The following GATM variants were observed in gnomAD, a reference collection of about 807,000 sequenced individuals.
GATM encodes the protein glycine amidinotransferase, mitochondrial.
In GATM, 23 loss-of-function variants were observed where a neutral mutation model predicts 54.2. The ratio of observed to expected loss-of-function variants is 0.42; its 90% CI spans 0.31 to 0.60. The LOEUF is 0.60. GATM is among the 20% of genes least tolerant of loss of function. GATM has a pLI of 0.14. For missense variants in GATM, 401 were observed against 544.9 expected (o/e 0.74, Z 2.63); for synonymous variants, 168 against 183.1 (o/e 0.92, Z 0.67).
At position 45,364,878 on chromosome 15, in the gene GATM, AC is replaced by A. The variant is rs750012910; in HGVS notation, c.979-19del. On this transcript the variant is annotated intron_variant, in intron 6 of 8. Transcript: ENST00000396659. Reference sequence around the variant, plus strand: ...AGATCAATCTGTAAGACCAAAAAAAACCCCCAAAACCGTTAAATCTACATAT... The same window carrying A: ...AGATCAATCTGTAAGACCAAAAAAAACCCCAAAACCGTTAAATCTACATAT... The A allele has an allele frequency of 2.5e-6, 4 of 1,607,400 alleles. No homozygotes were observed. The highest frequency in any genetic ancestry group is 1.1e-5 in the South Asian group (1 of 90,896).
intron 1 of GATM, 49 bp downstream of exon 1, chr15:45,378,310 CGAGCGAGTGCTCCACGCCGCCCGCAG>C (rs1889677012): frequency 8.4e-7 from 1 of 1,189,438 alleles, no homozygotes; most frequent in Non-Finnish European, 1.2e-6. Flanking sequence ...GGGCAGGGAG[CGAGCGAGTGCTCCACGCCGCCCGCAG>C]GATCGAGTGA....
intron 2 of GATM, among the ~76,000 whole-genome samples, chr15:45,398,761 G>C (rs745689184): frequency 5.3e-5 from 8 of 152,016 alleles, no homozygotes; most frequent in Non-Finnish European, 1.0e-4. Context: ...AAATATATTA[G>C]GGTTGAACAT....
rs754791975 is a variant in GATM at position 45,366,497 on chromosome 15, G to T, written c.687C>A (p.Ile229=). 6.2e-7 allele frequency: 1 copy of T among 1,614,066 alleles called. No individual in the cohort carries two copies. Among genetic ancestry groups the T allele is most frequent in the Non-Finnish European group, 8.5e-7 (1 of 1,180,008 alleles). The change falls in exon 5 of 9, where the codon ATC becomes ATA. Residue 229 remains isoleucine, a synonymous_variant. Coordinates refer to ENST00000396659, the MANE Select transcript of GATM (RefSeq NM_001482.3). ...ADELYNQDYP[I]HSVEDRHKLA... The stretch of plus-strand genomic sequence containing the variant: ...ATTTGTGTCTGTCTTCTACAGAGTG[G>T]ATGGGATAATCCTAATTGGAACAAG...
chr15:45,366,795 C>T (rs1889456957), intron 4 of GATM, among the ~76,000 whole-genome samples: 1 of 152,154 alleles, frequency 6.6e-6, no homozygotes, highest in African/African-American at 2.4e-5. Flanking sequence ...CGTCCCAAAA[C>T]ATTAAGATAT....
intron 8 of GATM, among the ~76,000 whole-genome samples, chr15:45,362,669 T>G (rs1415387244): frequency 6.6e-6 from 1 of 152,202 alleles, no homozygotes; most frequent in African/African-American, 2.4e-5. Flanking sequence ...CAGATTAACT[T>G]CACCAGGCCA....
chr15:45,399,495 C>T (rs1889973223), intron 2 of GATM: 2 of 152,398 alleles, frequency 1.3e-5, no homozygotes. Context: ...TAGCTAGTCC[C>T]TTCCACCATG....
At chr15:45,366,005 T>C (rs755403521) in intron 6 of GATM, 41 bp downstream of exon 6, 14 of 1,599,952 alleles carry the variant, frequency 8.8e-6, no homozygotes, top group African/African-American at 1.3e-5. Context: ...TTTTAGTTAC[T>C]AGATTCTGTT....
At chr15:45,392,299 T>A (rs921576581) in intron 3 of GATM, among the ~76,000 whole-genome samples, 2 of 152,180 alleles carry the variant, frequency 1.3e-5, no homozygotes, top group Non-Finnish European at 2.9e-5. Context: ...CCGTATCTGG[T>A]TCCTACAGTG....
At chr15:45,373,679 A>G (rs1165785865) in intron 2 of GATM, among the ~76,000 whole-genome samples, 1 of 152,086 alleles carries the variant, frequency 6.6e-6, no homozygotes, top group Non-Finnish European at 1.5e-5. Flanking sequence ...CTGATTGCCT[A>G]TGGACAGTTT....
chr15:45,384,786 G>A (rs1889786964), intron 3 of GATM, among the ~76,000 whole-genome samples: 1 of 151,848 alleles, frequency 6.6e-6, no homozygotes, highest in East Asian at 1.9e-4. Context: ...ATAGCTCACT[G>A]CAGCCTTGAC....
intron 2 of GATM, among the ~76,000 whole-genome samples, chr15:45,370,146 C>T (rs1017700831): frequency 3.9e-5 from 6 of 152,156 alleles, no homozygotes; most frequent in Admixed American, 2.6e-4. Flanking sequence ...GAGGCTGAGG[C>T]GGGCAGATAG....
intron 7 of GATM, chr15:45,364,445 G>C (rs1889414317): frequency 3.3e-6 from 1 of 306,224 alleles, no homozygotes; most frequent in South Asian, 3.8e-5. Flanking sequence ...GGAGTGGAAA[G>C]ATCACTTGAG....
intron 3 of GATM, among the ~76,000 whole-genome samples, chr15:45,386,775 G>A (rs949364365): frequency 2.0e-5 from 3 of 152,126 alleles, no homozygotes; most frequent in Non-Finnish European, 4.4e-5. Flanking sequence ...CATCCCTCTC[G>A]AATATTCTTA....
intron 3 of GATM, among the ~76,000 whole-genome samples, chr15:45,396,504 G>A (rs939361479): frequency 6.6e-6 from 1 of 152,250 alleles, no homozygotes; most frequent in East Asian, 1.9e-4. Flanking sequence ...GGTAGAAATA[G>A]AAAAGAGTAG....
At position 45,399,891 on chromosome 15, in the gene GATM, C is replaced by T. The variant is rs186500231; in HGVS notation, c.-529-296G>A. ...AAATTTCTGGTCAGATTAAAAACAA[C>T]TAAGCAAAAGAGCCACACAACTCCC... On this transcript the variant is annotated intron_variant, in intron 1 of 4. Coordinates refer to the GATM transcript ENST00000561148. Among the ~76,000 whole-genome samples the T allele has an allele frequency of 8.2e-4, 122 of 148,566 alleles. 2 individuals carry two copies. The highest frequency in any genetic ancestry group is 6.8e-3 in the South Asian group (33 of 4,830).
Position 45,376,584 on chromosome 15 carries a change from G to A in GATM, c.288+17C>T, listed in dbSNP as rs187702969. On this transcript the variant is annotated intron_variant, in intron 2 of 8. Coordinates refer to ENST00000396659, the MANE Select transcript of GATM (RefSeq NM_001482.3). ...GGAGGGAGCGCACTTTCAGACATGT[G>A]AATAGCCTTCCTTTACCTTCACCTC... is the stretch of plus-strand genomic sequence containing the variant. 5 of 1,611,724 alleles carry A rather than the reference G, an allele frequency of 3.1e-6. No homozygotes were observed. In the African/African-American group the frequency reaches 5.3e-5, roughly 17 times the overall value.
At chr15:45,388,142 A>G (rs1339186522) in intron 3 of GATM, among the ~76,000 whole-genome samples, 1 of 152,182 alleles carries the variant, frequency 6.6e-6, no homozygotes, top group African/African-American at 2.4e-5. Flanking sequence ...GTGAGGTACT[A>G]TACCAGACTG....
rs567317844 is a variant in GATM at position 45,391,845 on chromosome 15, G to GA, written c.-319+5076dup. On this transcript the variant is annotated intron_variant, in intron 3 of 4. Coordinates refer to the GATM transcript ENST00000561148. Reference sequence around the variant, plus strand: ...AAAATTTTCAAGTTCTTCTGCTAAAGAAAAAAAAACACAAAAAATAAAAGG... The same window carrying GA: ...AAAATTTTCAAGTTCTTCTGCTAAAGAAAAAAAAAACACAAAAAATAAAAGG... 5.3e-4 allele frequency among the ~76,000 whole-genome samples: 80 copies of GA among 150,364 alleles called. 1 individual carries two copies. Among genetic ancestry groups the GA allele is most frequent in the African/African-American group, 1.6e-3 (67 of 41,012 alleles).
Position 45,378,542 on chromosome 15 carries a change from G to C in GATM, c.-89C>G. 1.8e-6 allele frequency: 2 copies of C among 1,099,536 alleles called. No individual in the cohort carries two copies. Among genetic ancestry groups the C allele is most frequent in the Non-Finnish European group, 2.4e-6 (2 of 841,696 alleles). 68.1% of individuals were successfully genotyped at this position (1,099,536 alleles called of 1,614,324 possible). ...CTTCCCGAGAGCGCGCCCGGAGCGG[G>C]GTGGGCGGGCGCGCGGGGCCCGAGG... On this transcript the variant is annotated 5_prime_UTR_variant, in exon 1 of 9. Coordinates refer to ENST00000396659, the MANE Select transcript of GATM (RefSeq NM_001482.3).
Sources: gnomAD v4.1 joint callset for allele counts (sites outside exome capture counted in the v4.1 genomes callset) on GRCh38, gnomAD v4.1.1 for gene constraint, MANE v1.5 for transcripts, NCBI Gene and HGNC (gene_info 2026-07-23, HGNC 2026-07-21) for gene names.